MYO1B: variants seen among roughly 807,000 people sequenced by gnomAD.
MYO1B encodes myosin IB.
MYO1B carries 72 observed loss-of-function variants against 159.7 expected under a neutral mutation model. The observed-to-expected ratio is 0.45, with a 90% CI of 0.37 to 0.55. The LOEUF (loss-of-function observed/expected upper bound fraction) is 0.55, where lower values mean the gene tolerates loss of function less well. Ranked by LOEUF, MYO1B falls within the 20% of genes least tolerant of loss-of-function variation. MYO1B has a pLI of 0.00. For missense variants in MYO1B, 1,062 were observed against 1,364.8 expected (o/e 0.78, Z 3.50); for synonymous variants, 468 against 473.8 (o/e 0.99, Z 0.16).
At chr2:191,404,913 T>C (rs941013287) in intron 24 of MYO1B, among the ~76,000 whole-genome samples, 1 of 152,216 alleles carries the variant, frequency 6.6e-6, no homozygotes, top group Non-Finnish European at 1.5e-5. Flanking sequence ...CTGAAGGTTG[T>C]GGTGGCTGTG....
At chr2:191,298,934 C>T (rs1364527004) in intron 3 of MYO1B, among the ~76,000 whole-genome samples, 1 of 152,186 alleles carries the variant, frequency 6.6e-6, no homozygotes, top group Non-Finnish European at 1.5e-5. Flanking sequence ...TTCCTGTGCA[C>T]TTCCACCCCA....
At position 191,414,161 on chromosome 2, in the gene MYO1B, T is replaced by C; in HGVS notation, c.2987T>C (p.Ile996Thr). The C allele has an allele frequency of 6.2e-7, 1 of 1,613,114 alleles. No homozygotes were observed. The highest frequency in any genetic ancestry group is 8.5e-7 in the Non-Finnish European group (1 of 1,179,632). The change falls in exon 28 of 31, where the codon ATT (isoleucine) becomes ACT (threonine). Residue 996 changes from isoleucine to threonine, a missense_variant. By Grantham distance (89) the Ile-to-Thr change is moderately conservative. Coordinates refer to ENST00000392318, the MANE Select transcript of MYO1B (RefSeq NM_001130158.3). Reference sequence around the variant, plus strand: ...ATCATTGCTGAAGTCGTGAACAAAATTAACCGTGCTAATGGGAAGGTAAAA... The same window carrying C: ...ATCATTGCTGAAGTCGTGAACAAAACTAACCGTGCTAATGGGAAGGTAAAA... ...KIIIAEVVNK[I>T]NRANGKSTSR...
chr2:191,288,488 G>A (rs17346475), intron 2 of MYO1B, among the ~76,000 whole-genome samples: 52,316 of 151,928 alleles, frequency 0.34, 9,752 homozygotes, highest in Middle Eastern at 0.52. Context: ...GGCTCATTTA[G>A]CCAGGAATCA....
intron 8 of MYO1B, among the ~76,000 whole-genome samples, chr2:191,361,971 C>T (rs1333124211): frequency 6.6e-6 from 1 of 152,022 alleles, no homozygotes; most frequent in Non-Finnish European, 1.5e-5. Flanking sequence ...TATATTGAAT[C>T]ACCAGGCAGA....
intron 6 of MYO1B, among the ~76,000 whole-genome samples, chr2:191,348,750 T>C (rs983767834): frequency 2.0e-5 from 3 of 152,258 alleles, no homozygotes; most frequent in Non-Finnish European, 2.9e-5. Flanking sequence ...CAGCTACATC[T>C]TCTCTTGCTT....
intron 1 of MYO1B, among the ~76,000 whole-genome samples, chr2:191,260,514 CAT>C (rs1403898583): frequency 4.0e-5 from 6 of 151,728 alleles, no homozygotes; most frequent in Non-Finnish European, 8.8e-5. Context: ...CACAAAAGAA[CAT>C]ATTTTTTTTG....
At chr2:191,380,055 A>G (rs1286818464) in intron 13 of MYO1B, among the ~76,000 whole-genome samples, 1 of 152,230 alleles carries the variant, frequency 6.6e-6, no homozygotes, top group Non-Finnish European at 1.5e-5. Flanking sequence ...ATCCTTAACT[A>G]AGTTTAGCAT....
chr2:191,365,229 C>T (rs1316554063), intron 11 of MYO1B, among the ~76,000 whole-genome samples: 1 of 152,186 alleles, frequency 6.6e-6, no homozygotes, highest in Non-Finnish European at 1.5e-5. Context: ...AATTAAATTA[C>T]TAACTTAGGA....
chr2:191,358,424 T>C (rs1693439931), intron 7 of MYO1B, among the ~76,000 whole-genome samples: 1 of 152,226 alleles, frequency 6.6e-6, no homozygotes, highest in South Asian at 2.1e-4. Context: ...GTGTGTGCAG[T>C]TTACGAAGTA....
Position 191,424,041 on chromosome 2 carries a change from A to G in MYO1B, c.*81A>G, listed in dbSNP as rs934712893. The stretch of plus-strand genomic sequence containing the variant: ...TTTTGTTTTATTTGGGGTTCATTGT[A>G]TGTTTGGGAATCACCAAAGGCTTTT... On this transcript the variant is annotated 3_prime_UTR_variant, in exon 31 of 31. Coordinates refer to ENST00000392318, the MANE Select transcript of MYO1B (RefSeq NM_001130158.3). The G allele has an allele frequency of 6.8e-7, 1 of 1,470,000 alleles. No homozygotes were observed. 91.1% of individuals were successfully genotyped at this position (1,470,000 alleles called of 1,614,324 possible).
chr2:191,390,437 G>A lies in MYO1B; in HGVS notation c.1927G>A (p.Glu643Lys), dbSNP rs115845883. Residue 643 changes from glutamate to lysine, a missense_variant, in exon 18 of 31, where the codon GAA (glutamate) becomes AAA (lysine). Coordinates refer to ENST00000392318, the MANE Select transcript of MYO1B (RefSeq NM_001130158.3). Reference sequence around the variant, plus strand: ...CAGGCAGGCCTATGAACCTTGCCTAGAAAGATACAAAATGCTTTGTAAACA... The same window carrying A: ...CAGGCAGGCCTATGAACCTTGCCTAAAAAGATACAAAATGCTTTGTAAACA... The part of the protein sequence containing the change: ...AFRQAYEPCL[E>K]RYKMLCKQTW... The A allele has an allele frequency of 1.9e-6, 3 of 1,614,222 alleles. No homozygotes were observed. The highest frequency in any genetic ancestry group is 1.3e-5 in the African/African-American group (1 of 75,066).
At chr2:191,324,482 A>G (rs1690927046) in intron 3 of MYO1B, among the ~76,000 whole-genome samples, 1 of 152,132 alleles carries the variant, frequency 6.6e-6, no homozygotes, top group South Asian at 2.1e-4. Flanking sequence ...ACATTGTCCC[A>G]CTTTATGTGA....
chr2:191,383,371 A>G, intron 15 of MYO1B, 29 bp downstream of exon 15: 1 of 1,460,248 alleles, frequency 6.8e-7, no homozygotes, highest in South Asian at 1.3e-5. Flanking sequence ...TTTTCTAAAG[A>G]ATGTTTTAGT....
chr2:191,273,173 C>T (rs1054446327), intron 1 of MYO1B, among the ~76,000 whole-genome samples: 2 of 152,096 alleles, frequency 1.3e-5, no homozygotes, highest in Admixed American at 6.5e-5. Context: ...AGCTGGAGTG[C>T]AGTGGTGCAA....
intron 7 of MYO1B, among the ~76,000 whole-genome samples, chr2:191,357,310 A>G (rs1693359098): frequency 6.6e-6 from 1 of 152,152 alleles, no homozygotes; most frequent in South Asian, 2.1e-4. Context: ...CTAGCTGTTA[A>G]TGAGTCGAGC....
chr2:191,337,046 G>A (rs147855634), intron 4 of MYO1B, among the ~76,000 whole-genome samples: 60 of 152,138 alleles, frequency 3.9e-4, no homozygotes, highest in African/African-American at 1.4e-3. Flanking sequence ...TAGAAGCTCT[G>A]TGAAAAAAGT....
At chr2:191,420,470 C>T (rs1697869061) in intron 30 of MYO1B, among the ~76,000 whole-genome samples, 1 of 152,098 alleles carries the variant, frequency 6.6e-6, no homozygotes, top group Non-Finnish European at 1.5e-5. Context: ...CTTACTGTAC[C>T]TTTTCTATTC....
intron 3 of MYO1B, among the ~76,000 whole-genome samples, chr2:191,315,186 TCCA>T (rs1321357381): frequency 1.8e-4 from 27 of 151,570 alleles, no homozygotes; most frequent in Admixed American, 7.2e-4. Flanking sequence ...CATCCATCCA[TCCA>T]TCCACCCATC....
intron 1 of MYO1B, chr2:191,263,304 C>T (rs1015203786): frequency 1.1e-5 from 11 of 984,576 alleles, no homozygotes; most frequent in Non-Finnish European, 1.2e-5. Context: ...CCTGTCACAA[C>T]GAATGTTTGT....
Sources: allele counts gnomAD v4.1 joint callset (sites outside exome capture counted in the v4.1 genomes callset), GRCh38; gene constraint gnomAD v4.1.1; transcripts MANE v1.5; gene names NCBI Gene and HGNC (gene_info 2026-07-23, HGNC 2026-07-21).